The following SPATC1L variants were observed in gnomAD, a reference collection of about 807,000 sequenced individuals.
SPATC1L encodes spermatogenesis and centriole associated 1 like, also known as speriolin-like protein.
Under a neutral mutation model 21.2 loss-of-function variants are expected in SPATC1L, and 20 were observed. That is an observed-to-expected ratio of 0.94 (90% CI 0.66 to 1.37). The LOEUF (loss-of-function observed/expected upper bound fraction) is 1.37, where lower values mean the gene tolerates loss of function less well. Among genes scored for constraint, SPATC1L ranks in the 40% most tolerant of loss-of-function variants. The probability of loss-of-function intolerance (pLI) is 0.00; values close to 1 mark genes in which losing one functional copy is unlikely to be tolerated. For missense variants in SPATC1L, 499 were observed against 478.7 expected, an observed-to-expected ratio of 1.04 and a Z score of -0.40; for synonymous variants, 290 against 234.5, an observed-to-expected ratio of 1.24 and a Z score of -2.16.
chr21:46,179,395 C>A (rs1054390456), intron 2 of SPATC1L, among the ~76,000 whole-genome samples: 19 of 152,158 alleles, frequency 1.2e-4, no homozygotes, highest in African/African-American at 4.1e-4. Flanking sequence ...AAAAATCACA[C>A]ACACACCAAA....
rs1307571375 is a variant in SPATC1L at position 46,161,268 on chromosome 21, G to A, written c.*111C>T. 2.4e-5 allele frequency: 26 copies of A among 1,092,054 alleles called. No individual in the cohort carries two copies. Among genetic ancestry groups the A allele is most frequent in the South Asian group, 2.2e-4 (12 of 53,684 alleles). 67.6% of individuals were successfully genotyped at this position (1,092,054 alleles called of 1,614,324 possible). On this transcript the variant is annotated 3_prime_UTR_variant, in exon 5 of 5. Transcript: ENST00000291672. ...TGGGAGCGGGGCCTTCTCTGGCCTC[G>A]CGCGCGGGGGACGCGGCCCTTTCCC...
Position 46,170,088 on chromosome 21 carries a change from G to A in SPATC1L, c.194-1430C>T, listed in dbSNP as rs1207788852. On this transcript the variant is annotated intron_variant, in intron 2 of 4. Transcript: ENST00000291672. ...GAGCATCCTCTGTGGATGGGGAGGA[G>A]CCTCCTGCTTTGTGAGCATCCTCTG... is the stretch of plus-strand genomic sequence containing the variant. Among the ~76,000 whole-genome samples the A allele has an allele frequency of 4.4e-5, 4 of 90,556 alleles. 1 individual carries two copies. Among genetic ancestry groups the A allele is most frequent in the Non-Finnish European group, 9.2e-5 (4 of 43,556 alleles). The allele number at this position is 90,556 out of a possible 152,430, so 59.4% of individuals were successfully genotyped here. A position where few individuals can be genotyped will look rare whatever the true frequency, so the allele number is the denominator to read the frequency against.
intron 3 of SPATC1L, 79 bp downstream of exon 3, chr21:46,168,229 T>C: frequency 9.9e-7 from 1 of 1,009,400 alleles, no homozygotes; most frequent in Non-Finnish European, 1.4e-6. Flanking sequence ...CGGCCCTGCC[T>C]GACCACCCAG....
chr21:46,168,382 C>G lies in SPATC1L; in HGVS notation c.470G>C (p.Arg157Pro), dbSNP rs772793885. The G allele has an allele frequency of 7.4e-6, 12 of 1,612,058 alleles. No individual in the cohort carries two copies. The highest frequency in any genetic ancestry group is 1.7e-4 in the Middle Eastern group (1 of 6,050). Residue 157 changes from arginine (R) to proline (P), a missense_variant, in exon 3 of 5, where the codon CGG becomes CCG. Coordinates refer to ENST00000291672, the MANE Select transcript of SPATC1L (RefSeq NM_001142854.2). ...KTLLEPREMV[R>P]PKKVCFSESS... ...CTCCGAGAAACACACCTTCTTAGGC[C>G]GGACCATCTCCCTGGGCTCCAGCAG...
chr21:46,178,633 T>C (rs1306650023), intron 2 of SPATC1L, among the ~76,000 whole-genome samples: 1 of 152,204 alleles, frequency 6.6e-6, no homozygotes, highest in Non-Finnish European at 1.5e-5. Flanking sequence ...ATGCCTGTAA[T>C]CCCAGCACTT....
At chr21:46,178,232 C>CAAAA (rs59110880) in intron 2 of SPATC1L, among the ~76,000 whole-genome samples, 15 of 39,408 alleles carry the variant, frequency 3.8e-4, no homozygotes, top group Non-Finnish European at 5.7e-4. Context: ...AACTCCATCT[C>CAAAA]AAAAAAAAAA....
intron 3 of SPATC1L, among the ~76,000 whole-genome samples, chr21:46,164,524 T>C (rs1358289843): frequency 1.3e-5 from 2 of 152,022 alleles, no homozygotes; most frequent in African/African-American, 4.8e-5. Context: ...CCAGGTGCGG[T>C]GGCTCATGCC....
At chr21:46,172,604 C>T (rs2079602218) in intron 2 of SPATC1L, among the ~76,000 whole-genome samples, 1 of 152,230 alleles carries the variant, frequency 6.6e-6, no homozygotes, top group Admixed American at 6.5e-5. Context: ...TCTCACCTTC[C>T]CTGGAGGAGG....
At chr21:46,175,390 T>A (rs948169787) in intron 2 of SPATC1L, among the ~76,000 whole-genome samples, 2 of 151,452 alleles carry the variant, frequency 1.3e-5, no homozygotes, top group African/African-American at 2.4e-5. Context: ...TTTGAAAAAA[T>A]TAATAAAATA....
chr21:46,184,179 T>G (rs529021252), intron 1 of SPATC1L, among the ~76,000 whole-genome samples, 177 bp downstream of exon 1: 1 of 152,280 alleles, frequency 6.6e-6, no homozygotes, highest in African/African-American at 2.4e-5. Context: ...CTGACTGCAC[T>G]GCTCCTGCCT....
chr21:46,163,295 T>G (rs2079516450), intron 3 of SPATC1L, among the ~76,000 whole-genome samples: 1 of 152,266 alleles, frequency 6.6e-6, no homozygotes, highest in South Asian at 2.1e-4. Flanking sequence ...TTTCATTTTT[T>G]TGATACTGTC....
Position 46,168,572 on chromosome 21 carries a change from C to A in SPATC1L, c.280G>T (p.Ala94Ser). The change falls in exon 3 of 5, where the codon GCC becomes TCC. Residue 94 changes from alanine to serine, a missense_variant. Coordinates refer to ENST00000291672, the MANE Select transcript of SPATC1L (RefSeq NM_001142854.2). ...SSLEDLLCSH[A>S]PLSSEDDTSP... ...GTGTCGTCCTCGCTGGACAGGGGGG[C>A]ATGTGAGCACAGCAGGTCCTCCAGG... 6.8e-7 allele frequency: 1 copy of A among 1,472,414 alleles called. No homozygotes were observed. The highest frequency in any genetic ancestry group is 9.1e-7 in the Non-Finnish European group (1 of 1,095,798). 91.2% of individuals were successfully genotyped at this position (1,472,414 alleles called of 1,614,324 possible).
chr21:46,168,271 TG>T (rs1290772857), intron 3 of SPATC1L, 36 bp downstream of exon 3: 5 of 1,476,014 alleles, frequency 3.4e-6, no homozygotes, highest in Non-Finnish European at 4.6e-6. Context: ...CAGCCTGCAC[TG>T]GGGGCCCCCC....
At chr21:46,178,544 C>T (rs191013986) in intron 2 of SPATC1L, among the ~76,000 whole-genome samples, 48 of 152,272 alleles carry the variant, frequency 3.2e-4, no homozygotes, top group African/African-American at 1.1e-3. Flanking sequence ...ACAAGTTCAC[C>T]TATGTAATAA....
chr21:46,182,528 C>T (rs1371547469), intron 2 of SPATC1L, 96 bp downstream of exon 2: 7 of 1,188,384 alleles, frequency 5.9e-6, no homozygotes, highest in Non-Finnish European at 6.8e-6. Flanking sequence ...CGTGACCTCC[C>T]GCATCAGGGA....
At chr21:46,177,937 A>G (rs909045473) in intron 2 of SPATC1L, among the ~76,000 whole-genome samples, 3 of 152,228 alleles carry the variant, frequency 2.0e-5, no homozygotes, top group Non-Finnish European at 4.4e-5. Flanking sequence ...TGCAGCCATA[A>G]AAAAGAAAGA....
intron 3 of SPATC1L, among the ~76,000 whole-genome samples, chr21:46,165,519 T>TCCCTCCTCCTAGC (rs1397038215): frequency 6.6e-6 from 1 of 151,000 alleles, no homozygotes. Flanking sequence ...AGGAGTCCTT[T>TCCCTCCTCCTAGC]CTCTCCTCCT....
intron 3 of SPATC1L, among the ~76,000 whole-genome samples, chr21:46,164,975 A>G (rs776970759): frequency 6.6e-6 from 1 of 152,128 alleles, no homozygotes; most frequent in Admixed American, 6.6e-5. Context: ...GAAAAAGGCC[A>G]TACATTGATA....
chr21:46,171,581 C>T (rs983129104), intron 2 of SPATC1L, among the ~76,000 whole-genome samples: 16 of 82,816 alleles, frequency 1.9e-4, no homozygotes, highest in Non-Finnish European at 2.7e-4. Context: ...GCTTCACAGA[C>T]CCCCCACCCC....
Sources: allele counts gnomAD v4.1 joint callset (sites outside exome capture counted in the v4.1 genomes callset), GRCh38; gene constraint gnomAD v4.1.1; transcripts MANE v1.5; gene names NCBI Gene and HGNC (gene_info 2026-07-23, HGNC 2026-07-21).